The following CECR2 variants were observed in gnomAD, a reference collection of about 807,000 sequenced individuals.
CECR2 encodes CECR2 histone acetyl-lysine reader, also known as chromatin remodeling regulator CECR2.
A neutral mutation model predicts 154.5 loss-of-function variants in CECR2; 30 were observed. The ratio of observed to expected loss-of-function variants is 0.19; its 90% confidence interval spans 0.15 to 0.26. CECR2 has a LOEUF of 0.26. Among genes scored for constraint, CECR2 ranks in the 10% least tolerant of loss-of-function variants. CECR2 has a pLI of 1.00. For missense variants in CECR2, 1,743 were observed against 1,829.3 expected (o/e 0.95, Z 0.86); for synonymous variants, 725 against 683.7 (o/e 1.06, Z -0.94).
In CECR2 at chr22:17,498,218, G is replaced by A. The variant is rs966874011; in HGVS notation, c.405+632G>A. 7.2e-5 allele frequency among the ~76,000 whole-genome samples: 11 copies of A among 152,092 alleles called. 1 individual carries two copies. Among genetic ancestry groups the A allele is most frequent in the East Asian group, 3.9e-4 (2 of 5,168 alleles). On this transcript the variant is annotated intron_variant, in intron 3 of 18. Coordinates refer to ENST00000262608, the MANE Select transcript of CECR2 (RefSeq NM_001290047.2). ...ATCCTGGCTAACACGGTGAAATCCC[G>A]TCTCCACTAAAAGTAAAAAAAAATT...
At chr22:17,380,698 C>A (rs769943466) in intron 1 of CECR2, among the ~76,000 whole-genome samples, 1 of 152,208 alleles carries the variant, frequency 6.6e-6, no homozygotes, top group Non-Finnish European at 1.5e-5. Flanking sequence ...CGTGGGGCCA[C>A]AATTAAGCTC....
intron 9 of CECR2, among the ~76,000 whole-genome samples, chr22:17,533,821 A>G (rs1256957906): frequency 1.3e-5 from 2 of 151,378 alleles, no homozygotes; most frequent in Non-Finnish European, 2.9e-5. Context: ...GGTTCAAGCA[A>G]TTCTCCTGCC....
Position 17,479,238 on chromosome 22 carries a change from T to C in CECR2, c.221+1556T>C, listed in dbSNP as rs144830107. ...AAGGCTTAAAGGCTTTTGCCAGGTT[T>C]CCCGTCACAGAGGTGGTTGTATTTT... is the stretch of plus-strand genomic sequence containing the variant. On this transcript the variant is annotated intron_variant, in intron 2 of 18. Coordinates refer to ENST00000262608, the MANE Select transcript of CECR2 (RefSeq NM_001290047.2). Among the ~76,000 whole-genome samples, 31 of 152,318 alleles carry C rather than the reference T, an allele frequency of 2.0e-4. No homozygotes were observed. The East Asian group carries it at 6.0e-3, about 29-fold the overall frequency.
rs1296444198 is a variant in CECR2, at chr22:17,497,517, A to C, written c.336A>C (p.Thr112=). 2 of 1,613,982 alleles carry C rather than the reference A, an allele frequency of 1.2e-6. No homozygotes were observed. Among genetic ancestry groups the C allele is most frequent in the Admixed American group, 3.3e-5 (2 of 60,012 alleles). Reference sequence around the variant, plus strand: ...GTTTCCAGGACCTGCCTCTTCGCACACGGGTGGAGATCCTGCACCGACTCT... The same window carrying C: ...GTTTCCAGGACCTGCCTCTTCGCACCCGGGTGGAGATCCTGCACCGACTCT... ...EASFQDLPLR[T]RVEILHRLCD... is the part of the protein sequence containing the mutation. Residue 112 remains threonine, a synonymous_variant, in exon 3 of 19, where the codon ACA becomes ACC. Transcript: ENST00000262608.
chr22:17,382,168 G>C (rs1015532941), intron 1 of CECR2, among the ~76,000 whole-genome samples: 2 of 151,882 alleles, frequency 1.3e-5, no homozygotes, highest in African/African-American at 2.4e-5. Context: ...GGGATTACAG[G>C]CGTGAGCCAC....
chr22:17,450,009 T>C (rs1418419845), intron 1 of CECR2, among the ~76,000 whole-genome samples: 1 of 152,160 alleles, frequency 6.6e-6, no homozygotes, highest in East Asian at 1.9e-4. Context: ...GCCAGCTAAA[T>C]GAATGAGTAA....
In CECR2 at chr22:17,556,170, A is replaced by C. The variant is rs1208956240; in HGVS notation, c.*3330A>C. The C allele has an allele frequency of 6.6e-6, 1 of 152,138 alleles. No homozygotes were observed. The highest frequency in any genetic ancestry group is 1.5e-5 in the Non-Finnish European group (1 of 68,026). 9.4% of individuals were successfully genotyped at this position (152,138 alleles called of 1,614,324 possible). The stretch of plus-strand genomic sequence containing the variant: ...CGCCTCTCCTTCATCACCAGCCTTC[A>C]TCAGGTTGGTTTAGTTTACCTGGCC... On this transcript the variant is annotated 3_prime_UTR_variant, in exon 19 of 19. Transcript: ENST00000262608.
At chr22:17,491,954 A>T (rs2055540427) in intron 2 of CECR2, among the ~76,000 whole-genome samples, 1 of 152,130 alleles carries the variant, frequency 6.6e-6, no homozygotes, top group Non-Finnish European at 1.5e-5. Flanking sequence ...AGTATGTGGG[A>T]TATAGTAGCT....
intron 1 of CECR2, among the ~76,000 whole-genome samples, chr22:17,403,865 C>T (rs2053933552): frequency 6.6e-6 from 1 of 152,144 alleles, no homozygotes; most frequent in Admixed American, 6.6e-5. Flanking sequence ...GTCTGTGCTT[C>T]ATTTTGAATT....
chr22:17,545,852 A>G (rs2056606151), intron 16 of CECR2, among the ~76,000 whole-genome samples: 1 of 151,808 alleles, frequency 6.6e-6, no homozygotes, highest in Admixed American at 6.6e-5. Flanking sequence ...CAAAAAAAAA[A>G]AAAAAAAGAT....
upstream of CECR2, among the ~76,000 whole-genome samples, chr22:17,367,367 C>CGCA (rs1316817261): frequency 1.3e-5 from 2 of 151,956 alleles, no homozygotes; most frequent in Non-Finnish European, 2.9e-5. Flanking sequence ...GGCAGGGAAA[C>CGCA]GCAGTAACAC....
chr22:17,370,688 G>A (rs1166606697), intron 1 of CECR2, among the ~76,000 whole-genome samples: 1 of 152,198 alleles, frequency 6.6e-6, no homozygotes, highest in Non-Finnish European at 1.5e-5. Context: ...CCAGCCCGGG[G>A]CTTTGTGATA....
chr22:17,407,509 C>G (rs111720827), intron 1 of CECR2, among the ~76,000 whole-genome samples: 8 of 151,866 alleles, frequency 5.3e-5, no homozygotes, highest in Non-Finnish European at 8.8e-5. Context: ...GCATGAGAAT[C>G]GCTTGAACCT....
At position 17,519,363 on chromosome 22, in the gene CECR2, C is replaced by G. The variant is rs979608525; in HGVS notation, c.955-4755C>G. Among the ~76,000 whole-genome samples the G allele has an allele frequency of 2.7e-5, 4 of 150,366 alleles. No individual in the cohort carries two copies. The Admixed American group carries it at 2.7e-4, about 10-fold the overall frequency. On this transcript the variant is annotated intron_variant, in intron 8 of 18. Transcript: ENST00000262608. Reference sequence around the variant, plus strand: ...CTGGAGTGCAGTGGCACAATCTCAGCTTACTGCAACCTCTGCCTCCCGAGT... The same window carrying G: ...CTGGAGTGCAGTGGCACAATCTCAGGTTACTGCAACCTCTGCCTCCCGAGT...
intron 9 of CECR2, among the ~76,000 whole-genome samples, chr22:17,532,045 CT>C (rs1481582722): frequency 1.3e-5 from 2 of 151,990 alleles, no homozygotes; most frequent in African/African-American, 4.8e-5. Context: ...TGGTGCATGC[CT>C]GTAGTCCCAG....
chr22:17,555,191 C>T lies in CECR2; in HGVS notation c.*2351C>T, dbSNP rs979024124. The T allele has an allele frequency of 6.6e-6, 1 of 152,286 alleles. No individual in the cohort carries two copies. The highest frequency in any genetic ancestry group is 2.4e-5 in the African/African-American group (1 of 41,454). The allele number at this position is 152,286 out of a possible 1,614,324, so 9.4% of individuals were successfully genotyped here. On this transcript the variant is annotated 3_prime_UTR_variant, in exon 19 of 19. Transcript: ENST00000262608. ...GTCTCCTCTCTCTCCCAGTGACCGCCCCAATCAGCTGTTGCTAGAGCGATG... is the reference window on the plus strand; with the variant it reads ...GTCTCCTCTCTCTCCCAGTGACCGCTCCAATCAGCTGTTGCTAGAGCGATG...
chr22:17,363,573 C>T (rs2146421385), intron 1 of CECR2, among the ~76,000 whole-genome samples: 1 of 152,152 alleles, frequency 6.6e-6, no homozygotes, highest in African/African-American at 2.4e-5. Flanking sequence ...GAACTCCTGA[C>T]CTCAGGTGAT....
At chr22:17,389,664 G>C (rs1402599660) in intron 1 of CECR2, among the ~76,000 whole-genome samples, 1 of 151,954 alleles carries the variant, frequency 6.6e-6, no homozygotes, top group Non-Finnish European at 1.5e-5. Flanking sequence ...GTCTCACTCT[G>C]TTGCCCAGGC....
In CECR2 at chr22:17,548,256, C is replaced by T. The variant is rs774915476; in HGVS notation, c.2969C>T (p.Thr990Ile). Residue 990 changes from threonine to isoleucine, a missense_variant, in exon 17 of 19, where the codon ACC becomes ATC. Physicochemically the swap from Thr to Ile is moderately conservative, Grantham distance 89. This residue lies in a region of CECR2 where 1,250 missense variants were observed against 1,192.1 expected (regional missense o/e 1.05). Coordinates refer to ENST00000262608, the MANE Select transcript of CECR2 (RefSeq NM_001290047.2). ...ACACCTCCCCTGCAGACTGACTGCA[C>T]CAGGCAGAGCTCACCACAAGAAAGG... ...HPTPPLQTDC[T>I]RQSSPQERET... The T allele has an allele frequency of 7.5e-6, 12 of 1,604,436 alleles. No homozygotes were observed. Among genetic ancestry groups the T allele is most frequent in the African/African-American group, 1.3e-5 (1 of 74,476 alleles).
Sources: gnomAD v4.1 joint callset for allele counts (sites outside exome capture counted in the v4.1 genomes callset) on GRCh38, gnomAD v4.1.1 for gene constraint, gnomAD v4.1.1 regional missense constraint, MANE v1.5 for transcripts, NCBI Gene and HGNC (gene_info 2026-07-23, HGNC 2026-07-21) for gene names.